The following CDH18 variants were observed in gnomAD, a reference collection of about 807,000 sequenced individuals.
CDH18 encodes cadherin-18.
A neutral mutation model predicts 67.9 loss-of-function variants in CDH18; 31 were observed. That is an observed-to-expected ratio of 0.46 (90% CI 0.34 to 0.62). The LOEUF is 0.62. Among genes scored for constraint, CDH18 ranks in the 20% least tolerant of loss-of-function variants. The pLI is 0.01. For synonymous variants in CDH18, 362 were observed against 347.2 expected (o/e 1.04, Z -0.48); for missense variants, 890 against 975.5 (o/e 0.91, Z 1.17).
intron 3 of CDH18, among the ~76,000 whole-genome samples, chr5:19,835,481 A>T (rs13184267): frequency 0.55 from 83,190 of 151,438 alleles, 23,044 homozygotes; most frequent in Middle Eastern, 0.66. Flanking sequence ...GTTTCTCTGT[A>T]TTTTTTTAGA....
chr5:20,172,058 C>T (rs1462383646), intron 2 of CDH18, among the ~76,000 whole-genome samples: 1 of 149,726 alleles, frequency 6.7e-6, no homozygotes, highest in Non-Finnish European at 1.5e-5. Context: ...TCTTGGCTCT[C>T]TATTCTGGAG....
intron 10 of CDH18, among the ~76,000 whole-genome samples, chr5:19,510,843 C>T (rs1408139754): frequency 1.3e-5 from 2 of 148,442 alleles, no homozygotes; most frequent in African/African-American, 5.0e-5. Context: ...CCAAGTTTTG[C>T]TCTTGTTGCC....
At chr5:19,855,316 G>A (rs192629711) in intron 2 of CDH18, among the ~76,000 whole-genome samples, 7 of 151,960 alleles carry the variant, frequency 4.6e-5, no homozygotes, top group Non-Finnish European at 8.8e-5. Flanking sequence ...CCCATCTAGT[G>A]GGCTACTATT....
At position 19,689,445 on chromosome 5, in the gene CDH18, GAATGAAGAAGA is replaced by G. The variant is rs560088618; in HGVS notation, c.643+31891_643+31901del. 1.7e-3 allele frequency among the ~76,000 whole-genome samples: 256 copies of G among 152,000 alleles called. 1 individual carries two copies. Among genetic ancestry groups the G allele is most frequent in the African/African-American group, 6.0e-3 (248 of 41,544 alleles). On this transcript the variant is annotated intron_variant, in intron 5 of 12. Coordinates refer to ENST00000382275, the MANE Select transcript of CDH18 (RefSeq NM_004934.5). ...TATACACAGCAAAGTTTTGCTATATGAATGAAGAAGAAATAGTCTTTCCCAGACAAGCAAAA... is the reference window on the plus strand; with the variant it reads ...TATACACAGCAAAGTTTTGCTATATGAATAGTCTTTCCCAGACAAGCAAAA...
chr5:19,815,742 CTT>C (rs1261658728), intron 3 of CDH18, among the ~76,000 whole-genome samples: 1 of 151,924 alleles, frequency 6.6e-6, no homozygotes, highest in Non-Finnish European at 1.5e-5. Flanking sequence ...GAAGAGGCCT[CTT>C]AACTGTTTTG....
At chr5:19,488,473 T>G (rs1740761341) in intron 11 of CDH18, among the ~76,000 whole-genome samples, 1 of 152,142 alleles carries the variant, frequency 6.6e-6, no homozygotes, top group Non-Finnish European at 1.5e-5. Flanking sequence ...CAAAAAATTT[T>G]TTAATGTGTA....
At chr5:20,354,867 T>A (rs1741480913) in intron 1 of CDH18, among the ~76,000 whole-genome samples, 1 of 152,140 alleles carries the variant, frequency 6.6e-6, no homozygotes, top group Non-Finnish European at 1.5e-5. Context: ...ATGAACATAA[T>A]TAACCAGTGA....
chr5:20,514,570 G>A (rs1415356460), intron 1 of CDH18, among the ~76,000 whole-genome samples: 3 of 152,024 alleles, frequency 2.0e-5, no homozygotes, highest in Non-Finnish European at 2.9e-5. Flanking sequence ...ATGTACATGA[G>A]CTGATTGTAG....
At chr5:20,267,333 G>C (rs1250126039) in intron 1 of CDH18, among the ~76,000 whole-genome samples, 1 of 152,122 alleles carries the variant, frequency 6.6e-6, no homozygotes, top group Non-Finnish European at 1.5e-5. Flanking sequence ...TGGGTTACTA[G>C]AGCCTTGTAA....
At chr5:20,031,380 G>A (rs1360164577) in intron 2 of CDH18, among the ~76,000 whole-genome samples, 1 of 152,084 alleles carries the variant, frequency 6.6e-6, no homozygotes, top group Non-Finnish European at 1.5e-5. Flanking sequence ...AGAGTCCTGA[G>A]TATAATGTTC....
intron 2 of CDH18, among the ~76,000 whole-genome samples, chr5:19,974,251 C>T (rs755110674): frequency 3.3e-4 from 50 of 151,850 alleles, no homozygotes; most frequent in Middle Eastern, 3.4e-3. Context: ...GCGGTGTTGT[C>T]CCTGGATGTG....
intron 3 of CDH18, among the ~76,000 whole-genome samples, chr5:19,801,295 C>T (rs1777442669): frequency 6.6e-6 from 1 of 152,154 alleles, no homozygotes; most frequent in South Asian, 2.1e-4. Flanking sequence ...ACGTATGTTT[C>T]ATTACGTTAA....
chr5:19,630,555 T>G (rs1752278571), intron 5 of CDH18, among the ~76,000 whole-genome samples: 1 of 151,960 alleles, frequency 6.6e-6, no homozygotes, highest in African/African-American at 2.4e-5. Context: ...GATACTAGAG[T>G]TTGGAAGTGG....
At chr5:20,531,154 A>T (rs1294970681) in intron 1 of CDH18, among the ~76,000 whole-genome samples, 1 of 152,086 alleles carries the variant, frequency 6.6e-6, no homozygotes, top group African/African-American at 2.4e-5. Context: ...AACACCACTG[A>T]TAATTAGAGA....
chr5:19,898,779 G>C (rs562817492), intron 2 of CDH18, among the ~76,000 whole-genome samples: 3 of 152,024 alleles, frequency 2.0e-5, no homozygotes, highest in East Asian at 3.9e-4. Flanking sequence ...AAAAATATAA[G>C]CAAAAAAAGT....
chr5:19,708,533 A>G lies in CDH18; in HGVS notation c.643+12814T>C, dbSNP rs1287439339. Reference sequence around the variant, plus strand: ...AACTGGCCATAAACAAAATCTCTGCAGCACTGTGACATACTCCTGATGGCT... The same window carrying G: ...AACTGGCCATAAACAAAATCTCTGCGGCACTGTGACATACTCCTGATGGCT... On this transcript the variant is annotated intron_variant, in intron 5 of 12. Coordinates refer to ENST00000382275, the MANE Select transcript of CDH18 (RefSeq NM_004934.5). 2.0e-5 allele frequency among the ~76,000 whole-genome samples: 3 copies of G among 152,190 alleles called. No individual in the cohort carries two copies. In the East Asian group the frequency reaches 5.8e-4, roughly 29 times the overall value.
intron 3 of CDH18, among the ~76,000 whole-genome samples, chr5:19,798,905 T>G (rs1475088070): frequency 6.6e-6 from 1 of 152,112 alleles, no homozygotes; most frequent in Non-Finnish European, 1.5e-5. Flanking sequence ...ACAATTATAC[T>G]GATATTAACA....
chr5:19,618,829 G>T (rs1033409715), intron 5 of CDH18, among the ~76,000 whole-genome samples: 1 of 152,058 alleles, frequency 6.6e-6, no homozygotes, highest in African/African-American at 2.4e-5. Context: ...TTCATTGGAG[G>T]ATCTGCTTAT....
chr5:19,974,116 C>A (rs1354895709), intron 2 of CDH18, among the ~76,000 whole-genome samples: 1 of 151,964 alleles, frequency 6.6e-6, no homozygotes, highest in African/African-American at 2.4e-5. Flanking sequence ...CATATAGGAT[C>A]TGACAGTGGT....
Sources: gnomAD v4.1 joint callset for allele counts (sites outside exome capture counted in the v4.1 genomes callset) on GRCh38, gnomAD v4.1.1 for gene constraint, MANE v1.5 for transcripts, NCBI Gene and HGNC (gene_info 2026-07-23, HGNC 2026-07-21) for gene names.